The following PITPNC1 variants were observed in gnomAD, a reference collection of about 807,000 sequenced individuals.
The protein encoded by PITPNC1 is cytoplasmic phosphatidylinositol transfer protein 1.
In PITPNC1, 18 loss-of-function variants were observed where a neutral mutation model predicts 44.7. The observed-to-expected ratio is 0.40, with a 90% CI of 0.28 to 0.60. The LOEUF is 0.60. Among genes scored for constraint, PITPNC1 ranks in the 20% least tolerant of loss-of-function variants. The pLI is 0.39. For synonymous variants in PITPNC1, 141 were observed against 149.6 expected (o/e 0.94, Z 0.42); for missense variants, 290 against 418.4 (o/e 0.69, Z 2.68).
At chr17:67,678,785 C>A (rs2042650103) in intron 8 of PITPNC1, among the ~76,000 whole-genome samples, 1 of 152,248 alleles carries the variant, frequency 6.6e-6, no homozygotes, top group African/African-American at 2.4e-5. Flanking sequence ...CCCTTCCACT[C>A]CATTTTGGGG....
At chr17:67,453,990 C>T (rs955540292) in intron 1 of PITPNC1, among the ~76,000 whole-genome samples, 22 of 152,118 alleles carry the variant, frequency 1.4e-4, no homozygotes, top group African/African-American at 3.9e-4. Flanking sequence ...TGGCTCACGT[C>T]GGTAATCGCC....
At chr17:67,617,701 G>A (rs1021010926) in intron 5 of PITPNC1, among the ~76,000 whole-genome samples, 2 of 152,118 alleles carry the variant, frequency 1.3e-5, no homozygotes, top group East Asian at 3.9e-4. Context: ...GGCTCCAGGC[G>A]TTTCTTGGCT....
chr17:67,659,998 A>G (rs1467178788), intron 6 of PITPNC1, among the ~76,000 whole-genome samples: 2 of 152,146 alleles, frequency 1.3e-5, no homozygotes, highest in Non-Finnish European at 2.9e-5. Flanking sequence ...CTTGTGCCTC[A>G]GCCTCCCAAG....
At chr17:67,490,362 GTTT>G (rs368543009) in intron 1 of PITPNC1, among the ~76,000 whole-genome samples, 1 of 150,342 alleles carries the variant, frequency 6.7e-6, no homozygotes, top group African/African-American at 2.4e-5. Flanking sequence ...TTTTTGTTTT[GTTT>G]TTTTTTAAAT....
At chr17:67,473,776 A>T (rs1055259923) in intron 1 of PITPNC1, among the ~76,000 whole-genome samples, 1 of 152,164 alleles carries the variant, frequency 6.6e-6, no homozygotes, top group Non-Finnish European at 1.5e-5. Context: ...TGTTGAGCCT[A>T]TGCAGGTATC....
chr17:67,557,407 T>G (rs962472470), intron 4 of PITPNC1, among the ~76,000 whole-genome samples: 2 of 152,180 alleles, frequency 1.3e-5, no homozygotes, highest in African/African-American at 4.8e-5. Flanking sequence ...GGGCAAGTGA[T>G]GGAGGTGGAT....
rs759738905 is a variant in PITPNC1 at position 67,692,636 on chromosome 17, C to T, written c.747C>T (p.Ile249=). The change falls in exon 9 of 9, where the codon ATC becomes ATT. Residue 249 remains isoleucine, a synonymous_variant. Transcript: ENST00000581322. ...RATQEATNKK[I]GIFPPAISIS... ...CTCAGGAAGCCACCAACAAGAAAATCGGCATTTTCCCACCTGCAATTTCTA... is the reference window on the plus strand; with the variant it reads ...CTCAGGAAGCCACCAACAAGAAAATTGGCATTTTCCCACCTGCAATTTCTA... 3 of 1,613,724 alleles carry T rather than the reference C, an allele frequency of 1.9e-6. No individual in the cohort carries two copies. Among genetic ancestry groups the T allele is most frequent in the Non-Finnish European group, 2.5e-6 (3 of 1,179,662 alleles).
intron 5 of PITPNC1, among the ~76,000 whole-genome samples, chr17:67,625,513 G>A (rs2144320806): frequency 6.6e-6 from 1 of 152,254 alleles, no homozygotes; most frequent in East Asian, 1.9e-4. Flanking sequence ...TTTTCCTTTG[G>A]GGCCCGGTGA....
chr17:67,432,295 C>T (rs556881370), intron 1 of PITPNC1, among the ~76,000 whole-genome samples: 1 of 152,134 alleles, frequency 6.6e-6, no homozygotes, highest in Non-Finnish European at 1.5e-5. Context: ...GGAGACCATC[C>T]TGGCTAACAC....
At chr17:67,536,585 G>C (rs2040533685) in intron 2 of PITPNC1, among the ~76,000 whole-genome samples, 1 of 152,168 alleles carries the variant, frequency 6.6e-6, no homozygotes, top group Non-Finnish European at 1.5e-5. Context: ...AATCTCTGAA[G>C]AGGTGGTAAA....
At chr17:67,691,737 G>T (rs1372089451) in intron 8 of PITPNC1, among the ~76,000 whole-genome samples, 1 of 152,204 alleles carries the variant, frequency 6.6e-6, no homozygotes, top group Non-Finnish European at 1.5e-5. Context: ...TGAGTACAGT[G>T]GCTCACGCCT....
At chr17:67,646,003 TAGTCCC>T (rs2042144672) in intron 6 of PITPNC1, among the ~76,000 whole-genome samples, 2 of 152,304 alleles carry the variant, frequency 1.3e-5, no homozygotes, top group Admixed American at 6.5e-5. Flanking sequence ...CGGGTGCCTG[TAGTCCC>T]AGCTACTCTG....
intron 1 of PITPNC1, among the ~76,000 whole-genome samples, chr17:67,456,001 A>G (rs2039249965): frequency 6.6e-6 from 1 of 152,210 alleles, no homozygotes; most frequent in African/African-American, 2.4e-5. Flanking sequence ...CGGTGTTAAC[A>G]TTTTGCTGTA....
chr17:67,575,879 C>CTTTTTTTTTTTT (rs1209977482), intron 4 of PITPNC1, among the ~76,000 whole-genome samples: 2 of 15,910 alleles, frequency 1.3e-4, no homozygotes, highest in Admixed American at 6.5e-4. Flanking sequence ...TCTTTCTTTC[C>CTTTTTTTTTTTT]TTTTTTTTTT....
chr17:67,546,047 A>G (rs758962103), intron 2 of PITPNC1, among the ~76,000 whole-genome samples: 31 of 151,460 alleles, frequency 2.0e-4, no homozygotes, highest in Non-Finnish European at 4.1e-4. Flanking sequence ...CAAAAAATTA[A>G]CCGGGAGTGG....
intron 1 of PITPNC1, among the ~76,000 whole-genome samples, chr17:67,442,785 C>T (rs137937477): frequency 1.0e-3 from 159 of 151,832 alleles, no homozygotes; most frequent in African/African-American, 3.7e-3. Flanking sequence ...AACCAGGAGA[C>T]GAAGGGTTGC....
intron 2 of PITPNC1, among the ~76,000 whole-genome samples, chr17:67,540,175 C>G (rs2040587572): frequency 6.6e-6 from 1 of 151,826 alleles, no homozygotes; most frequent in Non-Finnish European, 1.5e-5. Flanking sequence ...ATGATCTTGG[C>G]TCATTGCAAT....
At chr17:67,612,163 G>A (rs959543826) in intron 5 of PITPNC1, 1 of 152,264 alleles carries the variant, frequency 6.6e-6, no homozygotes, top group Non-Finnish European at 1.5e-5. Flanking sequence ...CAGATATCTT[G>A]CCAGGCAGAT....
chr17:67,609,131 G>A (rs1382409898), intron 5 of PITPNC1, among the ~76,000 whole-genome samples: 1 of 151,830 alleles, frequency 6.6e-6, no homozygotes, highest in Non-Finnish European at 1.5e-5. Context: ...CGAAGTGCTG[G>A]GAACACAGGC....
Sources: allele counts gnomAD v4.1 joint callset (sites outside exome capture counted in the v4.1 genomes callset), GRCh38; gene constraint gnomAD v4.1.1; transcripts MANE v1.5; gene names NCBI Gene and HGNC (gene_info 2026-07-23, HGNC 2026-07-21).